Variants in STPG2 observed in about 807,000 individuals in gnomAD.
STPG2 encodes sperm-tail PG-rich repeat-containing protein 2.
A neutral mutation model predicts 54.2 loss-of-function variants in STPG2; 56 were observed. That is an observed-to-expected ratio of 1.03 (90% CI 0.83 to 1.29). The LOEUF (loss-of-function observed/expected upper bound fraction) is 1.29. Ranked by LOEUF, STPG2 falls within the 50% of genes most tolerant of loss-of-function variation. The probability of loss-of-function intolerance (pLI) is 0.00; values close to 1 mark genes in which losing one functional copy is unlikely to be tolerated. For synonymous variants in STPG2, 200 were observed against 181.8 expected (o/e 1.10, Z -0.81); for missense variants, 596 against 544.9 (o/e 1.09, Z -0.93).
chr4:97,472,682 A>T (rs2148815749), intron 4 of STPG2, among the ~76,000 whole-genome samples: 1 of 152,302 alleles, frequency 6.6e-6, no homozygotes, highest in African/African-American at 2.4e-5. Flanking sequence ...TAAATGAGCT[A>T]CCAAGCCATG....
rs377416422 is a variant in STPG2, at chr4:97,840,599, ATGT to A, written c.1204+171_1204+173del. On this transcript the variant is annotated intron_variant, in intron 9 of 10. Transcript: ENST00000295268. ...GTACAACACAGCAGGTCCTCAAATA[ATGT>A]TGTTTAGTTCAATGTTATTTTGTTA... 4.3e-3 allele frequency among the ~76,000 whole-genome samples: 654 copies of A among 151,732 alleles called. 2 individuals are homozygous for A. Among genetic ancestry groups the A allele is most frequent in the Middle Eastern group, 0.02 (6 of 294 alleles).
intron 9 of STPG2, among the ~76,000 whole-genome samples, chr4:97,786,298 T>C (rs373369516): frequency 6.6e-6 from 1 of 152,186 alleles, no homozygotes; most frequent in African/African-American, 2.4e-5. Flanking sequence ...TATAACATGG[T>C]ATATCTCTCA....
chr4:98,053,988 T>A (rs1737407784), intron 5 of STPG2, among the ~76,000 whole-genome samples: 2 of 152,168 alleles, frequency 1.3e-5, no homozygotes, highest in South Asian at 2.1e-4. Context: ...AAATTTATTA[T>A]CTACTTATCT....
intron 1 of STPG2, among the ~76,000 whole-genome samples, chr4:98,141,942 G>GAAAAAAAAA (rs3974892): frequency 9.3e-5 from 9 of 96,882 alleles, no homozygotes; most frequent in African/African-American, 3.3e-4. Flanking sequence ...CAGTAGTTGG[G>GAAAAAAAAA]AAAAAAAAAA....
At chr4:97,937,706 T>C (rs1732798944) in intron 8 of STPG2, among the ~76,000 whole-genome samples, 1 of 152,272 alleles carries the variant, frequency 6.6e-6, no homozygotes, top group Non-Finnish European at 1.5e-5. Context: ...CTCCTGCACA[T>C]GGAGATGTCA....
intron 8 of STPG2, among the ~76,000 whole-genome samples, chr4:97,850,854 GAA>G (rs1729137375): frequency 6.6e-6 from 1 of 152,104 alleles, no homozygotes; most frequent in African/African-American, 2.4e-5. Flanking sequence ...CTGTTAGCAA[GAA>G]AGAAAGAATG....
chr4:97,629,838 T>C (rs1376956409), intron 10 of STPG2, among the ~76,000 whole-genome samples: 7 of 151,962 alleles, frequency 4.6e-5, no homozygotes, highest in African/African-American at 1.2e-4. Flanking sequence ...GAATAATCAC[T>C]AACATGGCCA....
At chr4:97,455,547 G>T (rs1007256932) in intron 4 of STPG2, among the ~76,000 whole-genome samples, 4 of 152,124 alleles carry the variant, frequency 2.6e-5, no homozygotes, top group African/African-American at 9.7e-5. Context: ...CTGCTGAGCG[G>T]CCTGACTCCA....
chr4:97,667,672 A>G lies in STPG2; in HGVS notation c.1320+45027T>C, dbSNP rs545005528. 1.6e-4 allele frequency among the ~76,000 whole-genome samples: 25 copies of G among 152,314 alleles called. No individual in the cohort carries two copies. The South Asian group carries it at 5.2e-3, about 32-fold the overall frequency. On this transcript the variant is annotated intron_variant, in intron 10 of 10. Transcript: ENST00000295268. ...CCTTCCTTACATTTATTTGCATCATATAACTACATGCCAAACCAAGTATAA... is the reference window on the plus strand; with the variant it reads ...CCTTCCTTACATTTATTTGCATCATGTAACTACATGCCAAACCAAGTATAA...
intron 10 of STPG2, among the ~76,000 whole-genome samples, chr4:97,634,618 G>T (rs1174904326): frequency 6.6e-6 from 1 of 151,058 alleles, no homozygotes; most frequent in African/African-American, 2.4e-5. Context: ...TGTATAACTA[G>T]AATAACCAAT....
chr4:97,718,080 G>A (rs1391130625), intron 9 of STPG2, among the ~76,000 whole-genome samples: 1 of 151,948 alleles, frequency 6.6e-6, no homozygotes, highest in Non-Finnish European at 1.5e-5. Flanking sequence ...CATTCTCAGG[G>A]CTAAATTAGC....
intron 3 of STPG2, among the ~76,000 whole-genome samples, chr4:98,111,511 TG>T (rs1560684503): frequency 6.6e-6 from 1 of 152,108 alleles, no homozygotes; most frequent in East Asian, 1.9e-4. Context: ...AAAAAGAAGC[TG>T]GCGCACACTA....
At chr4:97,567,233 A>G (rs1732477629) in intron 10 of STPG2, among the ~76,000 whole-genome samples, 1 of 150,868 alleles carries the variant, frequency 6.6e-6, no homozygotes, top group South Asian at 2.1e-4. Context: ...CACCCTTTAA[A>G]TTACATATCT....
chr4:97,553,197 C>T (rs936453143), intron 4 of STPG2, among the ~76,000 whole-genome samples: 5 of 152,116 alleles, frequency 3.3e-5, no homozygotes, highest in Non-Finnish European at 5.9e-5. Context: ...GGCTAAACTG[C>T]AATGAGTGGT....
intron 10 of STPG2, among the ~76,000 whole-genome samples, chr4:97,676,392 T>G (rs58111058): frequency 0.11 from 16,620 of 151,884 alleles, 2,635 homozygotes; most frequent in African/African-American, 0.35. Flanking sequence ...CTACATCAAT[T>G]TTTCCAACAA....
intron 9 of STPG2, among the ~76,000 whole-genome samples, chr4:97,819,741 T>C (rs902020348): frequency 1.3e-5 from 2 of 152,082 alleles, no homozygotes; most frequent in Non-Finnish European, 2.9e-5. Flanking sequence ...ATTTAAACTA[T>C]TTAAATTAAA....
At chr4:98,109,093 ACTAATTTTTCCTTT>A in intron 4 of STPG2, 86 bp downstream of exon 4, 2 of 612,550 alleles carry the variant, frequency 3.3e-6, no homozygotes, top group Non-Finnish European at 5.3e-6. Flanking sequence ...AGTTTTTCAT[ACTAATTTTTCCTTT>A]CTTTACAGCA....
intron 9 of STPG2, among the ~76,000 whole-genome samples, chr4:97,783,580 T>C (rs1726722811): frequency 6.6e-6 from 1 of 152,198 alleles, no homozygotes. Context: ...ACTGGGTATA[T>C]ACCCAAAGGA....
At chr4:97,774,176 A>G (rs1480634922) in intron 9 of STPG2, among the ~76,000 whole-genome samples, 1 of 152,164 alleles carries the variant, frequency 6.6e-6, no homozygotes, top group African/African-American at 2.4e-5. Context: ...TTTGTATTCT[A>G]TTACGTATGA....
Sources: allele counts gnomAD v4.1 joint callset (sites outside exome capture counted in the v4.1 genomes callset), GRCh38; gene constraint gnomAD v4.1.1; transcripts MANE v1.5; gene names NCBI Gene and HGNC (gene_info 2026-07-23, HGNC 2026-07-21).